LAMA4: variants seen among roughly 807,000 people sequenced by gnomAD.
LAMA4 encodes the protein laminin subunit alpha 4.
Under a neutral mutation model 207.1 loss-of-function variants are expected in LAMA4, and 127 were observed. That is an observed-to-expected ratio of 0.61 (90% CI 0.53 to 0.71). The LOEUF is 0.71. Among genes scored for constraint, LAMA4 ranks in the 30% least tolerant of loss-of-function variants. The pLI, the probability that LAMA4 is intolerant of heterozygous loss-of-function variation, is 0.00. For synonymous variants in LAMA4, 761 were observed against 816.0 expected (o/e 0.93, Z 1.15); for missense variants, 2,093 against 2,246.5 (o/e 0.93, Z 1.38).
rs76541015 is a variant in LAMA4 at position 112,225,539 on chromosome 6, T to C, written c.196-9070A>G. Among the ~76,000 whole-genome samples the C allele has an allele frequency of 3.0e-3, 456 of 152,316 alleles. 1 individual carries two copies. Among genetic ancestry groups the C allele is most frequent in the Non-Finnish European group, 5.3e-3 (361 of 68,020 alleles). On this transcript the variant is annotated intron_variant, in intron 2 of 38. Coordinates refer to ENST00000230538, the MANE Select transcript of LAMA4 (RefSeq NM_001105206.3). ...ACCTTTCAGAGTCACTGTGCTATTA[T>C]CGTTTATTTCGAATCTGAGGTTTAA...
At chr6:112,205,427 GA>G (rs1424148170) in intron 4 of LAMA4, among the ~76,000 whole-genome samples, 1 of 152,020 alleles carries the variant, frequency 6.6e-6, no homozygotes, top group African/African-American at 2.4e-5. Flanking sequence ...GCCAAGATCT[GA>G]ACCCAGGCTT....
At chr6:112,206,952 C>CG (rs1784090262) in intron 4 of LAMA4, 69 bp downstream of exon 4, 2 of 1,583,358 alleles carry the variant, frequency 1.3e-6, no homozygotes, top group African/African-American at 2.7e-5. Context: ...TAAGGCAAAA[C>CG]AAAACAAAAC....
Position 112,166,623 on chromosome 6 carries a change from T to C in LAMA4, c.1552-1347A>G, listed in dbSNP as rs782332351. On this transcript the variant is annotated intron_variant, in intron 12 of 38. Transcript: ENST00000230538. ...GACAAACTTCAAAGCTGTGTGCTAA[T>C]AGCACTGTATATAAGCTTATTTGCA... 3 of 153,782 alleles carry C rather than the reference T, an allele frequency of 2.0e-5. No individual in the cohort carries two copies. The Admixed American group carries it at 2.0e-4, about 10-fold the overall frequency. The allele number at this position is 153,782 out of a possible 1,614,324, so 9.5% of individuals were successfully genotyped here.
At chr6:112,225,048 C>T (rs1271574172) in intron 2 of LAMA4, among the ~76,000 whole-genome samples, 1 of 151,694 alleles carries the variant, frequency 6.6e-6, no homozygotes, top group Non-Finnish European at 1.5e-5. Flanking sequence ...AGGGTAACCT[C>T]CTTAGCCCTC....
At chr6:112,181,655 C>G (rs142553556) in intron 9 of LAMA4, among the ~76,000 whole-genome samples, 37 of 152,278 alleles carry the variant, frequency 2.4e-4, no homozygotes, top group African/African-American at 8.7e-4. Flanking sequence ...TTCACTATTT[C>G]TTCCTTAGAG....
In LAMA4 at chr6:112,134,317, G is replaced by T. The variant is rs782058175; in HGVS notation, c.3557+150C>A. On this transcript the variant is annotated intron_variant, in intron 26 of 38. Transcript: ENST00000230538. ...AGGTCCTGAGGACTGACTGCAGAGGGCCTGAAGGTACATGAATGTGTGTAC... is the reference window on the plus strand; with the variant it reads ...AGGTCCTGAGGACTGACTGCAGAGGTCCTGAAGGTACATGAATGTGTGTAC... 10 of 704,826 alleles carry T rather than the reference G, an allele frequency of 1.4e-5. No individual in the cohort carries two copies. In the African/African-American group the frequency reaches 1.6e-4, roughly 11 times the overall value. The allele number at this position is 704,826 out of a possible 1,614,324, so 43.7% of individuals were successfully genotyped here. A position where few individuals can be genotyped will look rare whatever the true frequency, so the allele number is the denominator to read the frequency against.
At chr6:112,214,062 G>A (rs367824608) in intron 3 of LAMA4, 65 of 760,040 alleles carry the variant, frequency 8.6e-5, no homozygotes, top group African/African-American at 8.5e-4. Context: ...GGTCTTCTCC[G>A]TCAGTAGTCT....
At chr6:112,158,677 G>T in intron 14 of LAMA4, 55 bp downstream of exon 14, 2 of 1,474,186 alleles carry the variant, frequency 1.4e-6, no homozygotes, top group Non-Finnish European at 9.5e-7. Context: ...GAATTGAATA[G>T]TAATATTTTA....
Position 112,133,422 on chromosome 6 carries a change from T to C in LAMA4, c.3623A>G (p.Gln1208Arg). ...FRGCMKGFQF[Q>R]KKDFNLLEQT... The stretch of plus-strand genomic sequence containing the variant: ...CTCCAGTAAATTGAAGTCCTTCTTT[T>C]GGAACTGGAAGCCCTTCATGCATCC... The change falls in exon 27 of 39, where the codon CAA (glutamine) becomes CGA (arginine). Residue 1208 changes from glutamine (Q) to arginine (R), a missense_variant. Gln to Arg is a conservative substitution (Grantham distance 43, BLOSUM62 1). Around this residue, in one of 3 missense-constraint regions of LAMA4, gnomAD observed 1,704 missense variants for 1,788.4 expected, o/e 0.95. Coordinates refer to ENST00000230538, the MANE Select transcript of LAMA4 (RefSeq NM_001105206.3). 6.2e-7 allele frequency: 1 copy of C among 1,613,884 alleles called. No homozygotes were observed.
intron 25 of LAMA4, among the ~76,000 whole-genome samples, chr6:112,135,208 C>T (rs931192725): frequency 3.3e-5 from 5 of 152,148 alleles, no homozygotes; most frequent in Admixed American, 1.3e-4. Flanking sequence ...CCATGCTGTA[C>T]AGCAGATTTC....
chr6:112,119,133 C>G, intron 34 of LAMA4, 23 bp downstream of exon 34: 2 of 1,613,026 alleles, frequency 1.2e-6, no homozygotes, highest in Non-Finnish European at 1.7e-6. Flanking sequence ...GTCAATGGCT[C>G]TACCTGGTCA....
rs782380775 is a variant in LAMA4 at position 112,148,279 on chromosome 6, G to T, written c.2231C>A (p.Thr744Lys). 11 of 1,614,032 alleles carry T rather than the reference G, an allele frequency of 6.8e-6. 1 individual carries two copies. The South Asian group carries it at 1.1e-4, about 16-fold the overall frequency. The part of the protein sequence containing the change: ...SRLITEEANR[T>K]TMEVQQATAP... ...AGTGGCCTGCTGCACCTCCATCGTC[G>T]TCCTGTTGGCTTCCTCGGTGATCAG... The change falls in exon 18 of 39, where the codon ACG (threonine) becomes AAG (lysine). Residue 744 changes from threonine to lysine, a missense_variant. Thr to Lys is a moderately conservative substitution (Grantham distance 78). This residue lies in a region of LAMA4 where 1,704 missense variants were observed against 1,788.4 expected (regional missense o/e 0.95). Coordinates refer to ENST00000230538, the MANE Select transcript of LAMA4 (RefSeq NM_001105206.3).
At chr6:112,253,831 G>T in intron 2 of LAMA4, 125 bp downstream of exon 2, 6 of 1,614,240 alleles carry the variant, frequency 3.7e-6, no homozygotes, top group Non-Finnish European at 4.2e-6. Flanking sequence ...AACTGACCTA[G>T]CCCAGGTGAA....
In LAMA4 at chr6:112,119,261, G is replaced by T; in HGVS notation, c.4716C>A (p.Leu1572=). The change falls in exon 34 of 39, where the codon CTC becomes CTA. Residue 1572 remains leucine (L), a synonymous_variant. Transcript: ENST00000230538. ...GAGGAAGACTTTCTTCTAGGACTCG[G>T]AGACCATCAATTACCAGTCGGCCAC... ...RSSGRLVIDG[L]RVLEESLPPT... 3.7e-6 allele frequency: 6 copies of T among 1,613,938 alleles called. No homozygotes were observed. The highest frequency in any genetic ancestry group is 5.1e-6 in the Non-Finnish European group (6 of 1,179,928).
intron 9 of LAMA4, among the ~76,000 whole-genome samples, chr6:112,180,683 G>T (rs560263085): frequency 6.6e-6 from 1 of 152,284 alleles, no homozygotes; most frequent in Admixed American, 6.5e-5. Flanking sequence ...ATGACGTGAG[G>T]ATGATAACCA....
intron 4 of LAMA4, among the ~76,000 whole-genome samples, chr6:112,204,095 T>C (rs1055740467): frequency 6.6e-6 from 1 of 152,166 alleles, no homozygotes; most frequent in Admixed American, 6.5e-5. Context: ...TACCGGATAC[T>C]GTGATTCAAA....
chr6:112,207,459 T>TC (rs1784124849), intron 3 of LAMA4, among the ~76,000 whole-genome samples: 1 of 151,872 alleles, frequency 6.6e-6, no homozygotes, highest in Admixed American at 6.6e-5. Flanking sequence ...ATCAGAATGA[T>TC]CAAACCCTGG....
intron 12 of LAMA4, chr6:112,172,012 C>A (rs781931564): frequency 6.5e-6 from 1 of 154,178 alleles, no homozygotes; most frequent in Non-Finnish European, 1.4e-5. Context: ...TTGATGCTGG[C>A]GGCTGTGAAT....
At chr6:112,111,654 G>A (rs1424503627) in intron 38 of LAMA4, among the ~76,000 whole-genome samples, 4 of 152,198 alleles carry the variant, frequency 2.6e-5, no homozygotes, top group African/African-American at 9.7e-5. Context: ...TTCTAGGCTT[G>A]CTGGCATAAT....
Sources: allele counts gnomAD v4.1 joint callset (sites outside exome capture counted in the v4.1 genomes callset), GRCh38; gene constraint gnomAD v4.1.1; regional missense constraint gnomAD v4.1.1; transcripts MANE v1.5; gene names NCBI Gene and HGNC (gene_info 2026-07-23, HGNC 2026-07-21).